GDF10: variants seen among roughly 807,000 people sequenced by gnomAD.
GDF10 encodes growth/differentiation factor 10.
A neutral mutation model predicts 32.1 loss-of-function variants in GDF10; 23 were observed. That is an observed-to-expected ratio of 0.72 (90% CI 0.52 to 1.02). The LOEUF (loss-of-function observed/expected upper bound fraction) is 1.02, where lower values mean the gene tolerates loss of function less well. Ranked by LOEUF, GDF10 falls within the 50% of genes least tolerant of loss-of-function variation. GDF10 has a pLI of 0.00. For synonymous variants in GDF10, 328 were observed against 303.1 expected (o/e 1.08, Z -0.85); for missense variants, 764 against 673.9 (o/e 1.13, Z -1.48).
intron 1 of GDF10, among the ~76,000 whole-genome samples, chr10:47,302,230 C>T (rs947341730): frequency 1.3e-5 from 2 of 152,264 alleles, no homozygotes; most frequent in Admixed American, 6.5e-5. Context: ...GTGTATTCAT[C>T]GATAAAATGG....
At chr10:47,305,638 CT>C (rs2061020852) in intron 1 of GDF10, among the ~76,000 whole-genome samples, 2 of 152,156 alleles carry the variant, frequency 1.3e-5, no homozygotes, top group Admixed American at 1.3e-4. Context: ...GTCTTGGAAT[CT>C]TTTTATATAG....
At chr10:47,307,776 C>G (rs1555207255) in intron 1 of GDF10, among the ~76,000 whole-genome samples, 6 of 152,222 alleles carry the variant, frequency 3.9e-5, no homozygotes, top group Non-Finnish European at 8.8e-5. Flanking sequence ...AAACAATGTG[C>G]TGTGTTGGCT....
intron 1 of GDF10, among the ~76,000 whole-genome samples, chr10:47,306,682 G>A (rs887084546): frequency 5.9e-5 from 9 of 152,234 alleles, no homozygotes; most frequent in African/African-American, 2.2e-4. Flanking sequence ...GAGTGATGAG[G>A]CTGTTCTCCA....
chr10:47,307,673 T>G (rs1273384223), intron 1 of GDF10, among the ~76,000 whole-genome samples: 1 of 152,246 alleles, frequency 6.6e-6, no homozygotes, highest in Non-Finnish European at 1.5e-5. Flanking sequence ...GAGGTAGGAC[T>G]TATACCCTTT....
chr10:47,304,720 T>C (rs192377302), intron 1 of GDF10, among the ~76,000 whole-genome samples: 2 of 152,336 alleles, frequency 1.3e-5, no homozygotes, highest in Admixed American at 1.3e-4. Context: ...GGATACATCT[T>C]TTATGGATTA....
chr10:47,305,642 T>A (rs12769499), intron 1 of GDF10, among the ~76,000 whole-genome samples: 1 of 152,062 alleles, frequency 6.6e-6, no homozygotes, highest in African/African-American at 2.4e-5. Flanking sequence ...TGGAATCTTT[T>A]TATATAGGGC....
chr10:47,310,284 C>G lies in GDF10; in HGVS notation c.808C>G (p.Pro270Ala). The change falls in exon 2 of 3, where the codon CCT becomes GCT. Residue 270 changes from proline (P) to alanine (A), a missense_variant. By Grantham distance (27) the Pro-to-Ala change is conservative (BLOSUM62 -1). Transcript: ENST00000580279. ...GACGCTGCAGAGATACGACCCCTTC[C>G]CTGCCGGAGACCCCGAGCCCCGCGC... is the stretch of plus-strand genomic sequence containing the variant. ...AVTLQRYDPFPAGDPEPRAAP... is the reference protein window; with the variant it reads ...AVTLQRYDPFAAGDPEPRAAP... 6.2e-7 allele frequency: 1 copy of G among 1,608,536 alleles called. No individual in the cohort carries two copies. Among genetic ancestry groups the G allele is most frequent in the South Asian group, 1.1e-5 (1 of 90,448 alleles).
chr10:47,308,082 G>A (rs1325367020), intron 1 of GDF10, among the ~76,000 whole-genome samples: 1 of 152,222 alleles, frequency 6.6e-6, no homozygotes, highest in South Asian at 2.1e-4. Context: ...GGATGGGGGG[G>A]TGCAACATTA....
Position 47,300,981 on chromosome 10 carries a change from G to T in GDF10, c.319+11G>T. On this transcript the variant is annotated intron_variant, in intron 1 of 2. Transcript: ENST00000580279. ...TCAGGGCCAGGCTGGGTAAGTAGAG[G>T]GTGCCCCAGGACCCCTTCTCCTCAT... 1 of 1,453,726 alleles carries T rather than the reference G, an allele frequency of 6.9e-7. No individual in the cohort carries two copies. The highest frequency in any genetic ancestry group is 9.0e-7 in the Non-Finnish European group (1 of 1,106,114). 90.1% of individuals were successfully genotyped at this position (1,453,726 alleles called of 1,614,324 possible).
At chr10:47,304,878 T>C (rs1555207084) in intron 1 of GDF10, among the ~76,000 whole-genome samples, 1 of 152,216 alleles carries the variant, frequency 6.6e-6, no homozygotes, top group Non-Finnish European at 1.5e-5. Context: ...AGTCCCTCCT[T>C]TGTCCTACTG....
At chr10:47,302,481 C>T (rs969329847) in intron 1 of GDF10, among the ~76,000 whole-genome samples, 7 of 152,322 alleles carry the variant, frequency 4.6e-5, no homozygotes, top group African/African-American at 1.7e-4. Context: ...GTCACTGCTG[C>T]GACACGGGTG....
chr10:47,310,414 C>G lies in GDF10; in HGVS notation c.938C>G (p.Ala313Gly), dbSNP rs1435221095. ...GGGCTGGATGAGAGGCCGCCGCGCG[C>G]CCACGCACAGCACTTCCACAAGCAC... ...LPGLDERPPR[A>G]HAQHFHKHQL... The change falls in exon 2 of 3, where the codon GCC (alanine) becomes GGC (glycine). Residue 313 changes from alanine (A) to glycine (G), a missense_variant. Transcript: ENST00000580279. 2.5e-6 allele frequency: 4 copies of G among 1,611,562 alleles called. No individual in the cohort carries two copies. In the African/African-American group the frequency reaches 4.0e-5, roughly 16 times the overall value.
chr10:47,305,642 T>C (rs12769499), intron 1 of GDF10, among the ~76,000 whole-genome samples: 18,128 of 152,156 alleles, frequency 0.12, 1,316 homozygotes, highest in Non-Finnish European at 0.17. Context: ...TGGAATCTTT[T>C]TATATAGGGC....
intron 1 of GDF10, among the ~76,000 whole-genome samples, chr10:47,304,110 C>T (rs1033913492): frequency 2.6e-5 from 4 of 152,138 alleles, no homozygotes; most frequent in South Asian, 2.1e-4. Context: ...AGGCCAGGCC[C>T]CAGCCACTTT....
In GDF10 at chr10:47,308,988, G is replaced by A. The variant is rs528767567; in HGVS notation, c.320-808G>A. Among the ~76,000 whole-genome samples the A allele has an allele frequency of 9.2e-5, 14 of 152,312 alleles. No individual in the cohort carries two copies. The East Asian group carries it at 2.5e-3, about 27-fold the overall frequency. Reference sequence around the variant, plus strand: ...CCTGGGGAACGCCTGCTTCCACCAGGCAAATAGGAAGGAGTGGCCGGCAGC... The same window carrying A: ...CCTGGGGAACGCCTGCTTCCACCAGACAAATAGGAAGGAGTGGCCGGCAGC... On this transcript the variant is annotated intron_variant, in intron 1 of 2. Coordinates refer to ENST00000580279, the MANE Select transcript of GDF10 (RefSeq NM_004962.5).
intron 1 of GDF10, among the ~76,000 whole-genome samples, chr10:47,308,003 A>G (rs1228631758): frequency 6.6e-6 from 1 of 152,160 alleles, no homozygotes; most frequent in African/African-American, 2.4e-5. Context: ...GCAGATGGGG[A>G]AAGCAAGGTT....
At chr10:47,306,956 G>T (rs1555207220) in intron 1 of GDF10, among the ~76,000 whole-genome samples, 1 of 152,090 alleles carries the variant, frequency 6.6e-6, no homozygotes, top group Non-Finnish European at 1.5e-5. Context: ...TTTTATTTGG[G>T]GCAATGGAGG....
At chr10:47,309,728 C>T (rs1274412511) in intron 1 of GDF10, 68 bp from the exon 2 acceptor site, 2 of 1,052,544 alleles carry the variant, frequency 1.9e-6, no homozygotes, top group Non-Finnish European at 2.8e-6. Flanking sequence ...CTCCTCCAGC[C>T]CTGGGTGGGA....
At chr10:47,304,043 G>T (rs1379518753) in intron 1 of GDF10, among the ~76,000 whole-genome samples, 1 of 152,174 alleles carries the variant, frequency 6.6e-6, no homozygotes, top group South Asian at 2.1e-4. Context: ...GCCCAAAGGC[G>T]CACTGACCTG....
Sources: allele counts gnomAD v4.1 joint callset (sites outside exome capture counted in the v4.1 genomes callset), GRCh38; gene constraint gnomAD v4.1.1; transcripts MANE v1.5; gene names NCBI Gene and HGNC (gene_info 2026-07-23, HGNC 2026-07-21).